TSC22D1: variants seen among roughly 807,000 people sequenced by gnomAD.
TSC22D1 encodes the protein TSC22 domain family member 1.
Under a neutral mutation model 74.2 loss-of-function variants are expected in TSC22D1, and 9 were observed. The ratio of observed to expected loss-of-function variants is 0.12; its 90% CI spans 0.07 to 0.21. The LOEUF (loss-of-function observed/expected upper bound fraction) is 0.21, where lower values mean the gene tolerates loss of function less well. Among genes scored for constraint, TSC22D1 ranks in the 10% least tolerant of loss-of-function variants. The probability of loss-of-function intolerance (pLI) is 1.00; values close to 1 mark genes in which losing one functional copy is unlikely to be tolerated. For synonymous variants in TSC22D1, 586 were observed against 492.5 expected (o/e 1.19, Z -2.51); for missense variants, 1,427 against 1,304.7 (o/e 1.09, Z -1.44).
In TSC22D1 at chr13:44,434,612, G is replaced by C. The variant is rs374303711; in HGVS notation, c.*14C>G. 4 of 1,513,782 alleles carry C rather than the reference G, an allele frequency of 2.6e-6. No individual in the cohort carries two copies. The highest frequency in any genetic ancestry group is 3.5e-6 in the Non-Finnish European group (4 of 1,133,822). 93.8% of individuals were successfully genotyped at this position (1,513,782 alleles called of 1,614,324 possible). On this transcript the variant is annotated 3_prime_UTR_variant, in exon 3 of 3. Coordinates refer to ENST00000458659, the MANE Select transcript of TSC22D1 (RefSeq NM_183422.4). Reference sequence around the variant, plus strand: ...GTTCACACGCAGCAGCCAGTTCTGCGGGGGCATAGGCAGCTATGCGGTTGG... The same window carrying C: ...GTTCACACGCAGCAGCCAGTTCTGCCGGGGCATAGGCAGCTATGCGGTTGG...
chr13:44,521,855 C>T (rs554094048), intron 1 of TSC22D1, among the ~76,000 whole-genome samples: 1 of 152,276 alleles, frequency 6.6e-6, no homozygotes, highest in East Asian at 1.9e-4. Context: ...TACCTACATA[C>T]ATATGGATCT....
At chr13:44,440,288 A>G (rs1345940633) in intron 1 of TSC22D1, among the ~76,000 whole-genome samples, 2 of 152,220 alleles carry the variant, frequency 1.3e-5, no homozygotes, top group Non-Finnish European at 2.9e-5. Context: ...AGAGTAGAAC[A>G]GTGGCCGGGC....
At chr13:44,439,419 A>C (rs575416480) in intron 1 of TSC22D1, among the ~76,000 whole-genome samples, 1 of 152,268 alleles carries the variant, frequency 6.6e-6, no homozygotes. Context: ...AAGAAGGCAA[A>C]GGAAATGGAA....
chr13:44,517,514 T>C (rs1367622236), intron 1 of TSC22D1, among the ~76,000 whole-genome samples: 1 of 151,692 alleles, frequency 6.6e-6, no homozygotes, highest in Non-Finnish European at 1.5e-5. Context: ...ATGTGCAGGA[T>C]TACTATCCAT....
chr13:44,522,882 A>G (rs577796449), intron 1 of TSC22D1, among the ~76,000 whole-genome samples: 1 of 152,184 alleles, frequency 6.6e-6, no homozygotes, highest in African/African-American at 2.4e-5. Context: ...AAAAAATGAA[A>G]AGACAAGCCA....
chr13:44,455,307 G>A (rs181203580), intron 1 of TSC22D1, among the ~76,000 whole-genome samples: 1 of 152,310 alleles, frequency 6.6e-6, no homozygotes, highest in African/African-American at 2.4e-5. Context: ...CTGTATTCAA[G>A]AGACCCAACA....
chr13:44,556,066 A>G (rs923480877), intron 1 of TSC22D1, among the ~76,000 whole-genome samples: 2 of 152,162 alleles, frequency 1.3e-5, no homozygotes, highest in African/African-American at 4.8e-5. Context: ...CTTATATTAC[A>G]TTACTATTAA....
At chr13:44,473,263 C>T (rs946652869) in intron 1 of TSC22D1, among the ~76,000 whole-genome samples, 17 of 152,084 alleles carry the variant, frequency 1.1e-4, no homozygotes, top group African/African-American at 3.6e-4. Context: ...GGGAGGCCAA[C>T]GCAGGTGGAT....
At position 44,482,466 on chromosome 13, in the gene TSC22D1, G is replaced by A. The variant is rs186938080; in HGVS notation, c.2913-46371C>T. Among the ~76,000 whole-genome samples, 806 of 152,294 alleles carry A rather than the reference G, an allele frequency of 5.3e-3. 6 individuals carry two copies. Among genetic ancestry groups the A allele is most frequent in the Non-Finnish European group, 7.8e-3 (534 of 68,032 alleles). ...AGGCCAGAGGATCGCTTGAACCTGG[G>A]AGGCAGGGGCTGCAGTGAGCCGAGA... On this transcript the variant is annotated intron_variant, in intron 1 of 2. Coordinates refer to ENST00000458659, the MANE Select transcript of TSC22D1 (RefSeq NM_183422.4).
intron 1 of TSC22D1, among the ~76,000 whole-genome samples, chr13:44,497,008 A>G (rs566496776): frequency 3.3e-5 from 5 of 152,152 alleles, no homozygotes; most frequent in Non-Finnish European, 7.4e-5. Context: ...TATATATAGC[A>G]GTTTCTCAAA....
chr13:44,473,120 C>A (rs10083252), intron 1 of TSC22D1, among the ~76,000 whole-genome samples: 1,743 of 152,240 alleles, frequency 0.011, 27 homozygotes, highest in African/African-American at 0.04. Context: ...CTGATTAATG[C>A]ATTTTTAGAT....
intron 1 of TSC22D1, among the ~76,000 whole-genome samples, chr13:44,530,618 C>T (rs1211635597): frequency 6.7e-6 from 1 of 149,656 alleles, no homozygotes; most frequent in East Asian, 2.0e-4. Flanking sequence ...ACCAAACACC[C>T]GATAAAAAGC....
intron 1 of TSC22D1, among the ~76,000 whole-genome samples, chr13:44,525,602 A>G (rs891762452): frequency 1.3e-5 from 2 of 151,862 alleles, no homozygotes; most frequent in African/African-American, 4.8e-5. Flanking sequence ...AAAAGTAAAA[A>G]TAAAAGGGAG....
chr13:44,542,225 T>C (rs1881515026), intron 1 of TSC22D1, among the ~76,000 whole-genome samples: 1 of 151,952 alleles, frequency 6.6e-6, no homozygotes, highest in Non-Finnish European at 1.5e-5. Flanking sequence ...TATAGGTGAG[T>C]GAAAATACAG....
chr13:44,471,146 C>A (rs2137907436), intron 1 of TSC22D1, among the ~76,000 whole-genome samples: 1 of 152,280 alleles, frequency 6.6e-6, no homozygotes, highest in Admixed American at 6.5e-5. Context: ...CTACAAAATA[C>A]AATCCTGCCA....
At chr13:44,537,129 G>A in intron 1 of TSC22D1, 3 of 898,608 alleles carry the variant, frequency 3.3e-6, no homozygotes, top group Non-Finnish European at 4.0e-6. Flanking sequence ...ATATTTATTA[G>A]ATTTCAAATT....
chr13:44,560,571 A>G (rs1344604647), intron 1 of TSC22D1, among the ~76,000 whole-genome samples: 1 of 152,208 alleles, frequency 6.6e-6, no homozygotes, highest in African/African-American at 2.4e-5. Flanking sequence ...TATGTTAAGA[A>G]TGTCTTAGAG....
Position 44,444,319 on chromosome 13 carries a change from GA to G in TSC22D1, c.2913-8225del, listed in dbSNP as rs141822409. 7.1e-3 allele frequency among the ~76,000 whole-genome samples: 623 copies of G among 87,984 alleles called. 6 individuals carry two copies. The highest frequency in any genetic ancestry group is 0.014 in the African/African-American group (315 of 22,562). 57.7% of individuals were successfully genotyped at this position (87,984 alleles called of 152,430 possible). A position where few individuals can be genotyped will look rare whatever the true frequency, so the allele number is the denominator to read the frequency against. ...AAAAAAAAAAAAAAAGAAAAGAAAA[GA>G]AAAAGAAAAAAAAACAATAATGACA... On this transcript the variant is annotated intron_variant, in intron 1 of 2. Transcript: ENST00000458659.
At chr13:44,552,806 G>T (rs969779668) in intron 1 of TSC22D1, among the ~76,000 whole-genome samples, 6 of 152,106 alleles carry the variant, frequency 3.9e-5, no homozygotes, top group African/African-American at 1.4e-4. Flanking sequence ...GGCTAACATG[G>T]TGAAACCCTG....
Sources: gnomAD v4.1 joint callset for allele counts (sites outside exome capture counted in the v4.1 genomes callset) on GRCh38, gnomAD v4.1.1 for gene constraint, MANE v1.5 for transcripts, NCBI Gene and HGNC (gene_info 2026-07-23, HGNC 2026-07-21) for gene names.